Variants in SYT1 observed in about 807,000 individuals in gnomAD.
SYT1 encodes the protein synaptotagmin 1, also known as synaptotagmin-1.
Under a neutral mutation model 44.8 loss-of-function variants are expected in SYT1, and 8 were observed. The observed-to-expected ratio is 0.18, with a 90% CI of 0.10 to 0.32. The LOEUF (loss-of-function observed/expected upper bound fraction) is 0.32. Among genes scored for constraint, SYT1 ranks in the 10% least tolerant of loss-of-function variants. The probability of loss-of-function intolerance (pLI) is 1.00; values close to 1 mark genes in which losing one functional copy is unlikely to be tolerated. For missense variants in SYT1, 286 were observed against 509.3 expected, an observed-to-expected ratio of 0.56 and a Z score of 4.22; for synonymous variants, 154 against 188.8, an observed-to-expected ratio of 0.82 and a Z score of 1.51.
intron 3 of SYT1, among the ~76,000 whole-genome samples, chr12:79,158,729 C>G (rs553095471): frequency 7.8e-4 from 118 of 151,996 alleles, no homozygotes; most frequent in Non-Finnish European, 1.0e-3. Flanking sequence ...GAAAACCCAT[C>G]TCTACAAAAA....
intron 7 of SYT1, 137 bp downstream of exon 7, chr12:79,296,373 TTCTTA>T: frequency 1.1e-6 from 1 of 879,034 alleles, no homozygotes; most frequent in Admixed American, 3.0e-5. Context: ...ATATGCAAAA[TTCTTA>T]TCTTCACTAC....
chr12:79,417,653 G>A (rs1361401885), intron 9 of SYT1, among the ~76,000 whole-genome samples: 1 of 152,058 alleles, frequency 6.6e-6, no homozygotes, highest in Non-Finnish European at 1.5e-5. Context: ...ACAAGGTCCA[G>A]GCCTGCCTCT....
At chr12:79,236,808 C>T (rs539312348) in intron 4 of SYT1, among the ~76,000 whole-genome samples, 1 of 152,090 alleles carries the variant, frequency 6.6e-6, no homozygotes, top group Non-Finnish European at 1.5e-5. Context: ...TGCATGGAAA[C>T]AATAACAACG....
chr12:79,343,434 G>A (rs983401402), intron 8 of SYT1, among the ~76,000 whole-genome samples: 2 of 152,178 alleles, frequency 1.3e-5, no homozygotes, highest in Admixed American at 6.5e-5. Flanking sequence ...ACTAACTGAT[G>A]TAATTCTACT....
intron 1 of SYT1, among the ~76,000 whole-genome samples, chr12:78,896,692 A>C (rs544104865): frequency 6.6e-6 from 1 of 151,956 alleles, no homozygotes; most frequent in South Asian, 2.1e-4. Flanking sequence ...ATAATGTAGA[A>C]AGCCATGCCC....
chr12:78,867,383 A>C (rs189228318), intron 1 of SYT1, among the ~76,000 whole-genome samples: 2 of 152,220 alleles, frequency 1.3e-5, no homozygotes, highest in Admixed American at 1.3e-4. Context: ...GTAGTTTTTC[A>C]AATACTTCTA....
chr12:79,053,441 G>A lies in SYT1; in HGVS notation c.-18+6079G>A, dbSNP rs948507356. On this transcript the variant is annotated intron_variant, in intron 3 of 10. Coordinates refer to ENST00000261205, the MANE Select transcript of SYT1 (RefSeq NM_005639.3). ...GTTAATGGGTGCAGCACACCAACACGGCACATGTATACATATGTAACAAAC... is the reference window on the plus strand; with the variant it reads ...GTTAATGGGTGCAGCACACCAACACAGCACATGTATACATATGTAACAAAC... Among the ~76,000 whole-genome samples the A allele has an allele frequency of 6.6e-5, 10 of 151,608 alleles. No individual in the cohort carries two copies. The South Asian group carries it at 1.9e-3, about 28-fold the overall frequency.
At chr12:78,929,086 G>A (rs1877469449) in intron 1 of SYT1, among the ~76,000 whole-genome samples, 1 of 151,782 alleles carries the variant, frequency 6.6e-6, no homozygotes, top group African/African-American at 2.4e-5. Flanking sequence ...ATAATAATCA[G>A]GAAATTTGGA....
At chr12:79,111,282 C>T (rs529130710) in intron 3 of SYT1, among the ~76,000 whole-genome samples, 5 of 151,864 alleles carry the variant, frequency 3.3e-5, no homozygotes, top group African/African-American at 9.7e-5. Context: ...ATGCACACAC[C>T]ACCTCCCAAC....
chr12:79,162,106 T>TG, intron 3 of SYT1, among the ~76,000 whole-genome samples: 1 of 152,248 alleles, frequency 6.6e-6, no homozygotes, highest in East Asian at 1.9e-4. Context: ...AGCAACAATG[T>TG]AAGATGATGT....
intron 1 of SYT1, among the ~76,000 whole-genome samples, chr12:78,935,203 C>T (rs1226163259): frequency 1.3e-5 from 2 of 152,158 alleles, no homozygotes; most frequent in African/African-American, 2.4e-5. Flanking sequence ...AGAGACATCC[C>T]GTCCCCTCGG....
At chr12:79,143,449 T>G (rs1009711275) in intron 3 of SYT1, among the ~76,000 whole-genome samples, 1 of 152,156 alleles carries the variant, frequency 6.6e-6, no homozygotes, top group Non-Finnish European at 1.5e-5. Flanking sequence ...AAAAAAAGAT[T>G]CAATATTCTG....
intron 4 of SYT1, among the ~76,000 whole-genome samples, chr12:79,235,830 G>A (rs1007243739): frequency 6.6e-6 from 1 of 151,976 alleles, no homozygotes; most frequent in Admixed American, 6.6e-5. Context: ...CAATGAAATG[G>A]ATTTTTAAAG....
intron 3 of SYT1, among the ~76,000 whole-genome samples, chr12:79,106,735 A>G (rs1175799133): frequency 6.6e-6 from 1 of 152,032 alleles, no homozygotes; most frequent in Non-Finnish European, 1.5e-5. Flanking sequence ...TCTTTGACAT[A>G]ATAGCTAAAG....
chr12:78,998,159 A>T (rs769378527), intron 2 of SYT1, among the ~76,000 whole-genome samples: 1 of 152,196 alleles, frequency 6.6e-6, no homozygotes, highest in Non-Finnish European at 1.5e-5. Flanking sequence ...TAGTTTGCCT[A>T]GTGCTGTCCT....
chr12:79,441,573 C>G (rs1870423110), intron 9 of SYT1, among the ~76,000 whole-genome samples: 2 of 152,238 alleles, frequency 1.3e-5, no homozygotes, highest in Middle Eastern at 3.4e-3. Flanking sequence ...CCTCGGCCTC[C>G]CAAAGCGCTG....
At chr12:79,284,680 A>T (rs763315918) in intron 4 of SYT1, among the ~76,000 whole-genome samples, 37 of 152,130 alleles carry the variant, frequency 2.4e-4, no homozygotes, top group African/African-American at 6.0e-4. Context: ...TACTAAAAAA[A>T]ATATAAAAAT....
intron 9 of SYT1, among the ~76,000 whole-genome samples, chr12:79,369,487 GAA>G (rs1225777552): frequency 6.6e-6 from 1 of 152,126 alleles, no homozygotes; most frequent in Non-Finnish European, 1.5e-5. Flanking sequence ...AAAAGAAAAA[GAA>G]AGTGTCAGAT....
intron 9 of SYT1, among the ~76,000 whole-genome samples, chr12:79,421,544 C>A (rs1201694025): frequency 1.3e-5 from 2 of 152,048 alleles, no homozygotes; most frequent in African/African-American, 4.8e-5. Flanking sequence ...TCACAAGACC[C>A]AATTATATGT....
Sources: gnomAD v4.1 joint callset for allele counts (sites outside exome capture counted in the v4.1 genomes callset) on GRCh38, gnomAD v4.1.1 for gene constraint, MANE v1.5 for transcripts, NCBI Gene and HGNC (gene_info 2026-07-23, HGNC 2026-07-21) for gene names.